The following NAALADL2 variants were observed in gnomAD, a reference collection of about 807,000 sequenced individuals.
NAALADL2 encodes the protein N-acetylated alpha-linked acidic dipeptidase like 2.
A neutral mutation model predicts 87.2 loss-of-function variants in NAALADL2; 76 were observed. The observed-to-expected ratio is 0.87, with a 90% CI of 0.72 to 1.05. The LOEUF is 1.05. NAALADL2 is among the 50% of genes least tolerant of loss of function. NAALADL2 has a pLI of 0.00. For synonymous variants in NAALADL2, 354 were observed against 331.0 expected, an observed-to-expected ratio of 1.07 and a Z score of -0.75; for missense variants, 1,089 against 945.8, an observed-to-expected ratio of 1.15 and a Z score of -1.99.
chr3:175,500,356 G>T (rs182256276), intron 9 of NAALADL2, among the ~76,000 whole-genome samples: 7 of 152,080 alleles, frequency 4.6e-5, no homozygotes, highest in African/African-American at 1.7e-4. Context: ...TTTATGTGTA[G>T]TGTGGAAAAA....
chr3:174,637,389 C>A (rs1722751542), intron 2 of NAALADL2, among the ~76,000 whole-genome samples: 1 of 151,752 alleles, frequency 6.6e-6, no homozygotes, highest in Non-Finnish European at 1.5e-5. Context: ...TAAATATCCT[C>A]AATGAATACT....
chr3:174,841,511 AC>A lies in NAALADL2; in HGVS notation c.-9+103767del, dbSNP rs1322508572. On this transcript the variant is annotated intron_variant, in intron 3 of 3. Transcript: ENST00000434257. ...CATTATTTTTTCCTTTTTCGAAGCT[AC>A]CATGAAGAAGCTAAAACTTGGAAAA... Among the ~76,000 whole-genome samples, 3 of 152,318 alleles carry A rather than the reference AC, an allele frequency of 2.0e-5. No homozygotes were observed. In the East Asian group the frequency reaches 5.8e-4, roughly 29 times the overall value.
chr3:175,619,289 G>A (rs73171423), intron 10 of NAALADL2, among the ~76,000 whole-genome samples: 49 of 37,502 alleles, frequency 1.3e-3, no homozygotes, highest in African/African-American at 2.6e-3. Flanking sequence ...AAAGAAAGAA[G>A]GAAGGAAGGA....
chr3:175,360,351 ATG>A (rs1465300377), intron 5 of NAALADL2, among the ~76,000 whole-genome samples: 9 of 152,124 alleles, frequency 5.9e-5, no homozygotes, highest in African/African-American at 2.2e-4. Context: ...AATATATCAG[ATG>A]TTCTTTCCAT....
intron 13 of NAALADL2, among the ~76,000 whole-genome samples, chr3:175,764,891 T>C (rs1748494245): frequency 6.6e-6 from 1 of 152,096 alleles, no homozygotes; most frequent in Non-Finnish European, 1.5e-5. Flanking sequence ...TAATTAGAGT[T>C]GGTTATGTAA....
chr3:175,423,166 GGA>G (rs1716093685), intron 5 of NAALADL2, among the ~76,000 whole-genome samples: 1 of 48,430 alleles, frequency 2.1e-5, no homozygotes. Context: ...TCTAAGAAAG[GGA>G]GGGGGGGGTC....
At chr3:175,586,737 A>T (rs950059795) in intron 10 of NAALADL2, among the ~76,000 whole-genome samples, 12 of 152,204 alleles carry the variant, frequency 7.9e-5, no homozygotes, top group Non-Finnish European at 1.5e-4. Context: ...GAGCATTAGA[A>T]ATTTTACATA....
At chr3:175,196,567 C>T (rs1739034277) in intron 2 of NAALADL2, among the ~76,000 whole-genome samples, 1 of 151,888 alleles carries the variant, frequency 6.6e-6, no homozygotes, top group South Asian at 2.1e-4. Flanking sequence ...TTAGACTATC[C>T]ACCTTCCTTT....
chr3:175,788,163 G>T (rs1358920352), intron 13 of NAALADL2, among the ~76,000 whole-genome samples: 1 of 150,146 alleles, frequency 6.7e-6, no homozygotes, highest in East Asian at 2.0e-4. Flanking sequence ...GTATGATCTG[G>T]GCTCACTGCA....
Position 175,157,120 on chromosome 3 carries a change from T to G in NAALADL2, c.545+59829T>G, listed in dbSNP as rs191036666. On this transcript the variant is annotated intron_variant, in intron 2 of 13. Coordinates refer to ENST00000454872, the MANE Select transcript of NAALADL2 (RefSeq NM_207015.3). ...TAGTATGTACTTAGTTAAAAAAAAG[T>G]CATTAAAATAATTTTTTAAGCTAAA... 2.6e-5 allele frequency among the ~76,000 whole-genome samples: 4 copies of G among 151,582 alleles called. No individual in the cohort carries two copies. The East Asian group carries it at 7.8e-4, about 29-fold the overall frequency.
chr3:175,240,700 G>A (rs1168391866), intron 3 of NAALADL2, among the ~76,000 whole-genome samples: 2 of 152,228 alleles, frequency 1.3e-5, no homozygotes, highest in East Asian at 1.9e-4. Context: ...TTGTTGCCCA[G>A]GCTGGAGTGC....
chr3:175,066,503 C>A (rs1714564649), intron 1 of NAALADL2, among the ~76,000 whole-genome samples: 1 of 152,104 alleles, frequency 6.6e-6, no homozygotes, highest in South Asian at 2.1e-4. Flanking sequence ...CCTGCTTTTT[C>A]AGCAGCAGAA....
intron 2 of NAALADL2, among the ~76,000 whole-genome samples, chr3:175,133,988 C>T (rs865786513): frequency 6.6e-6 from 1 of 152,098 alleles, no homozygotes; most frequent in Non-Finnish European, 1.5e-5. Context: ...ATTACTAATT[C>T]CCCAGATAAT....
chr3:174,705,663 A>G lies in NAALADL2; in HGVS notation c.-114-31978A>G, dbSNP rs539294710. 6.2e-3 allele frequency among the ~76,000 whole-genome samples: 936 copies of G among 151,752 alleles called. 6 individuals are homozygous for G. The highest frequency in any genetic ancestry group is 0.021 in the African/African-American group (882 of 41,374). On this transcript the variant is annotated intron_variant, in intron 2 of 3. Transcript: ENST00000434257. Reference sequence around the variant, plus strand: ...CCGGGCGTGGTGGTGGGCGCCTGTAATCCCAGCTACTCGGGAGGCTGAGGC... The same window carrying G: ...CCGGGCGTGGTGGTGGGCGCCTGTAGTCCCAGCTACTCGGGAGGCTGAGGC...
intron 2 of NAALADL2, among the ~76,000 whole-genome samples, chr3:174,714,966 T>C (rs895551571): frequency 2.0e-5 from 3 of 152,162 alleles, no homozygotes; most frequent in African/African-American, 7.2e-5. Flanking sequence ...TTTTGAGATA[T>C]GTCCCATCAA....
At chr3:175,457,876 C>A (rs1306362562) in intron 6 of NAALADL2, among the ~76,000 whole-genome samples, 2 of 151,490 alleles carry the variant, frequency 1.3e-5, no homozygotes, top group Non-Finnish European at 2.9e-5. Flanking sequence ...TTCCTTTTTT[C>A]TATTCATTTC....
At chr3:175,685,395 T>C (rs957237878) in intron 11 of NAALADL2, among the ~76,000 whole-genome samples, 1 of 151,964 alleles carries the variant, frequency 6.6e-6, no homozygotes, top group African/African-American at 2.4e-5. Context: ...GCTTACATTT[T>C]ATAAAGGAGA....
chr3:174,679,327 TAGAG>T (rs891757814), intron 2 of NAALADL2, among the ~76,000 whole-genome samples: 10 of 152,276 alleles, frequency 6.6e-5, no homozygotes, highest in African/African-American at 2.2e-4. Flanking sequence ...TATGGAAACT[TAGAG>T]AGTTTAAAAT....
At chr3:175,492,618 T>A (rs1728262910) in intron 9 of NAALADL2, among the ~76,000 whole-genome samples, 1 of 152,304 alleles carries the variant, frequency 6.6e-6, no homozygotes, top group Admixed American at 6.5e-5. Context: ...CAAGCATTAA[T>A]AGATCGTTCA....
Sources: gnomAD v4.1 joint callset for allele counts (sites outside exome capture counted in the v4.1 genomes callset) on GRCh38, gnomAD v4.1.1 for gene constraint, MANE v1.5 for transcripts, NCBI Gene and HGNC (gene_info 2026-07-23, HGNC 2026-07-21) for gene names.